The following EPHB1 variants were observed in gnomAD, a reference collection of about 807,000 sequenced individuals.
EPHB1 encodes EPH receptor B1.
Under a neutral mutation model 94.4 loss-of-function variants are expected in EPHB1, and 30 were observed. The ratio of observed to expected loss-of-function variants is 0.32; its 90% CI spans 0.24 to 0.43. The LOEUF is 0.43. Ranked by LOEUF, EPHB1 falls within the 20% of genes least tolerant of loss-of-function variation. The probability of loss-of-function intolerance (pLI) is 1.00; values close to 1 mark genes in which losing one functional copy is unlikely to be tolerated. For synonymous variants in EPHB1, 522 were observed against 489.1 expected (o/e 1.07, Z -0.89); for missense variants, 1,055 against 1,308.3 (o/e 0.81, Z 2.99).
At chr3:135,257,406 C>G (rs1933448532) in intron 15 of EPHB1, among the ~76,000 whole-genome samples, 1 of 151,490 alleles carries the variant, frequency 6.6e-6, no homozygotes, top group Non-Finnish European at 1.5e-5. Context: ...GTGTGGATGT[C>G]CTTTCTGTTT....
intron 1 of EPHB1, among the ~76,000 whole-genome samples, chr3:134,800,783 G>A (rs1578095042): frequency 6.6e-6 from 1 of 152,330 alleles, no homozygotes; most frequent in East Asian, 1.9e-4. Context: ...TTTGGAAACT[G>A]CTGATGAGAT....
intron 3 of EPHB1, among the ~76,000 whole-genome samples, chr3:134,984,211 G>T (rs1934512739): frequency 1.3e-5 from 2 of 152,160 alleles, no homozygotes; most frequent in African/African-American, 2.4e-5. Context: ...GAAAGCAGAG[G>T]TCTGAGAACA....
intron 3 of EPHB1, among the ~76,000 whole-genome samples, chr3:135,064,034 G>A (rs1300400412): frequency 6.6e-6 from 1 of 152,054 alleles, no homozygotes; most frequent in African/African-American, 2.4e-5. Flanking sequence ...CTATGTCCCT[G>A]GTATGAAACC....
At chr3:135,181,312 C>A (rs1942146306) in intron 10 of EPHB1, among the ~76,000 whole-genome samples, 1 of 152,220 alleles carries the variant, frequency 6.6e-6, no homozygotes, top group Non-Finnish European at 1.5e-5. Flanking sequence ...AGACTCAGAT[C>A]CACTTGAGTT....
intron 3 of EPHB1, among the ~76,000 whole-genome samples, chr3:135,094,226 C>G (rs1938665305): frequency 1.3e-5 from 2 of 152,228 alleles, no homozygotes; most frequent in Admixed American, 1.3e-4. Context: ...TGCTGTGAAC[C>G]TGCTCTGTCC....
At position 134,994,510 on chromosome 3, in the gene EPHB1, G is replaced by A. The variant is rs369119318; in HGVS notation, c.805+42458G>A. On this transcript the variant is annotated intron_variant, in intron 3 of 15. Coordinates refer to ENST00000398015, the MANE Select transcript of EPHB1 (RefSeq NM_004441.5). ...CATAGCCTCTTCCACGAAGGACCCT[G>A]GAATTTCTTGTCTGGCAAAATACCC... Among the ~76,000 whole-genome samples the A allele has an allele frequency of 1.2e-3, 187 of 152,304 alleles. 2 individuals are homozygous for A. Among genetic ancestry groups the A allele is most frequent in the African/African-American group, 4.4e-3 (182 of 41,570 alleles).
chr3:135,176,466 G>A (rs1002354358), intron 9 of EPHB1, among the ~76,000 whole-genome samples: 1 of 152,164 alleles, frequency 6.6e-6, no homozygotes, highest in South Asian at 2.1e-4. Context: ...TCTGGGGAAA[G>A]GTCTCAGTGA....
chr3:135,138,986 G>A (rs780322061), intron 5 of EPHB1, among the ~76,000 whole-genome samples: 25 of 152,172 alleles, frequency 1.6e-4, no homozygotes, highest in Non-Finnish European at 3.4e-4. Context: ...TGGCAACCTC[G>A]CAGTCCTCCA....
intron 5 of EPHB1, among the ~76,000 whole-genome samples, chr3:135,141,310 C>T (rs1044472066): frequency 6.6e-6 from 1 of 152,062 alleles, no homozygotes; most frequent in East Asian, 1.9e-4. Flanking sequence ...GTTAAAGGGA[C>T]AATACAGTGA....
At chr3:135,088,944 T>C (rs902762876) in intron 3 of EPHB1, among the ~76,000 whole-genome samples, 1 of 152,220 alleles carries the variant, frequency 6.6e-6, no homozygotes, top group African/African-American at 2.4e-5. Context: ...GTATCAAACA[T>C]TTATATTTTC....
intron 5 of EPHB1, among the ~76,000 whole-genome samples, chr3:135,137,113 C>A (rs1346728453): frequency 1.3e-5 from 2 of 152,178 alleles, no homozygotes; most frequent in African/African-American, 4.8e-5. Context: ...CAGAGGAAAT[C>A]TTGGGGGTAT....
chr3:135,204,607 C>A (rs1249632826), intron 12 of EPHB1, among the ~76,000 whole-genome samples: 1 of 151,570 alleles, frequency 6.6e-6, no homozygotes, highest in African/African-American at 2.4e-5. Context: ...TTCAAGCGAT[C>A]CTCCTGCCTC....
chr3:134,836,902 G>A (rs900796802), intron 1 of EPHB1, among the ~76,000 whole-genome samples: 4 of 152,154 alleles, frequency 2.6e-5, no homozygotes, highest in African/African-American at 9.7e-5. Context: ...GAAAGGAGAC[G>A]TTGTTTTTCT....
chr3:134,859,107 T>A (rs756935334), intron 1 of EPHB1, among the ~76,000 whole-genome samples: 34 of 152,162 alleles, frequency 2.2e-4, no homozygotes, highest in Non-Finnish European at 3.1e-4. Flanking sequence ...TTCTGAGAGG[T>A]GGAAAAACAC....
At chr3:135,207,640 G>A (rs1407646407) in intron 12 of EPHB1, among the ~76,000 whole-genome samples, 1 of 152,208 alleles carries the variant, frequency 6.6e-6, no homozygotes. Context: ...GGCTTGCAGA[G>A]GAAGAGATGG....
intron 1 of EPHB1, among the ~76,000 whole-genome samples, chr3:134,908,594 G>T (rs561790932): frequency 2.3e-4 from 35 of 152,232 alleles, no homozygotes; most frequent in Non-Finnish European, 4.0e-4. Flanking sequence ...GGGCAGGGCT[G>T]GGAAAGGCCT....
At position 135,241,129 on chromosome 3, in the gene EPHB1, C is replaced by T. The variant is rs759705027; in HGVS notation, c.2347-19C>T. On this transcript the variant is annotated intron_variant, in intron 12 of 15. Coordinates refer to ENST00000398015, the MANE Select transcript of EPHB1 (RefSeq NM_004441.5). ...AGAAACCTGATTGTTGGGCTGACCA[C>T]GGTTTCTCCTTCTTTCAGGGAGGGA... 17 of 1,614,034 alleles carry T rather than the reference C, an allele frequency of 1.1e-5. No individual in the cohort carries two copies. The highest frequency in any genetic ancestry group is 8.3e-5 in the Admixed American group (5 of 60,014).
intron 1 of EPHB1, among the ~76,000 whole-genome samples, chr3:134,922,442 C>T (rs1014691380): frequency 1.3e-5 from 2 of 152,176 alleles, no homozygotes; most frequent in African/African-American, 4.8e-5. Context: ...TCTCTTGCTG[C>T]AAATTCTGTC....
intron 13 of EPHB1, among the ~76,000 whole-genome samples, chr3:135,242,034 A>G (rs956823360): frequency 7.9e-5 from 12 of 152,218 alleles, no homozygotes; most frequent in African/African-American, 2.4e-4. Flanking sequence ...AATGTTCCAC[A>G]TGAGAACCTT....
Sources: gnomAD v4.1 joint callset for allele counts (sites outside exome capture counted in the v4.1 genomes callset) on GRCh38, gnomAD v4.1.1 for gene constraint, MANE v1.5 for transcripts, NCBI Gene and HGNC (gene_info 2026-07-23, HGNC 2026-07-21) for gene names.